HIP1: variants seen among roughly 807,000 people sequenced by gnomAD.
HIP1 encodes huntingtin interacting protein 1, also known as huntingtin-interacting protein 1.
In HIP1, 65 loss-of-function variants were observed where a neutral mutation model predicts 147.6. The observed-to-expected ratio is 0.44, with a 90% CI of 0.36 to 0.54. HIP1 has a LOEUF of 0.54. Ranked by LOEUF, HIP1 falls within the 20% of genes least tolerant of loss-of-function variation. HIP1 has a pLI of 0.00. For synonymous variants in HIP1, 479 were observed against 504.0 expected, an observed-to-expected ratio of 0.95 and a Z score of 0.67; for missense variants, 1,061 against 1,299.6, an observed-to-expected ratio of 0.82 and a Z score of 2.82.
rs1554523980 is a variant in HIP1 at position 75,738,870 on chromosome 7, C to G, written c.51G>C (p.Lys17Asn). 3 of 1,577,500 alleles carry G rather than the reference C, an allele frequency of 1.9e-6. No individual in the cohort carries two copies. Among genetic ancestry groups the G allele is most frequent in the South Asian group, 2.3e-5 (2 of 86,332 alleles). The change falls in exon 1 of 31, where the codon AAG (lysine) becomes AAC (asparagine). Residue 17 changes from lysine (K) to asparagine (N), a missense_variant. Coordinates refer to ENST00000336926, the MANE Select transcript of HIP1 (RefSeq NM_005338.7). ...CGCCGACCCCGCGCCGGCTCAGCAC[C>G]TTGGGCAGTGGGTTGGGCACCTGCT... ...SMKQVPNPLPKVLSRRGVGAG... is the reference protein window; with the variant it reads ...SMKQVPNPLPNVLSRRGVGAG...
At chr7:75,675,881 T>G (rs1373713606) in intron 1 of HIP1, among the ~76,000 whole-genome samples, 2 of 152,092 alleles carry the variant, frequency 1.3e-5, no homozygotes, top group Non-Finnish European at 2.9e-5. Flanking sequence ...CTTGGGAGAC[T>G]AAGGAAGGAG....
intron 5 of HIP1, among the ~76,000 whole-genome samples, chr7:75,585,120 G>T (rs587683302): frequency 1.7e-4 from 26 of 151,706 alleles, no homozygotes; most frequent in African/African-American, 6.0e-4. Flanking sequence ...ATTGTGTGGA[G>T]ATTAGAGGTG....
At chr7:75,579,102 G>A (rs1795947447) in intron 7 of HIP1, among the ~76,000 whole-genome samples, 1 of 152,050 alleles carries the variant, frequency 6.6e-6, no homozygotes, top group Non-Finnish European at 1.5e-5. Context: ...ACAGGCATGA[G>A]CCACTGCGCC....
intron 1 of HIP1, among the ~76,000 whole-genome samples, chr7:75,666,973 G>A (rs1203182645): frequency 6.6e-6 from 1 of 152,000 alleles, no homozygotes; most frequent in South Asian, 2.1e-4. Flanking sequence ...TACGAAAAGG[G>A]TTATAAATAT....
At chr7:75,612,084 G>T (rs1797458819) in intron 1 of HIP1, among the ~76,000 whole-genome samples, 1 of 152,232 alleles carries the variant, frequency 6.6e-6, no homozygotes, top group Admixed American at 6.5e-5. Context: ...GGCCAGGCTG[G>T]CTCACAAAGG....
At chr7:75,668,332 T>C (rs976136381) in intron 1 of HIP1, among the ~76,000 whole-genome samples, 2 of 152,072 alleles carry the variant, frequency 1.3e-5, no homozygotes, top group Admixed American at 6.6e-5. Flanking sequence ...TTTTGTATTG[T>C]TTTGTTTTTG....
rs1795292994 is a variant in HIP1 at position 75,563,241 on chromosome 7, A to G, written c.826T>C (p.Ser276Pro). 3.1e-6 allele frequency: 5 copies of G among 1,614,170 alleles called. No homozygotes were observed. The highest frequency in any genetic ancestry group is 4.2e-6 in the Non-Finnish European group (5 of 1,180,030). The change falls in exon 10 of 31, where the codon TCC (serine) becomes CCC (proline). Residue 276 changes from serine to proline, a missense_variant. This residue lies in a region of HIP1 where 810 missense variants were observed against 946.8 expected (regional missense o/e 0.86). Transcript: ENST00000336926. Reference protein sequence around the residue: ...FTKLKDLFYRSSNLQYFKRLI... With the variant: ...FTKLKDLFYRPSNLQYFKRLI... The stretch of plus-strand genomic sequence containing the variant: ...CGCTTGAAGTACTGCAGGTTGCTGG[A>G]GCGGTAGAACAGATCTTTCAACCTA...
intron 1 of HIP1, among the ~76,000 whole-genome samples, chr7:75,640,586 C>G (rs544972263): frequency 1.3e-5 from 2 of 152,072 alleles, no homozygotes; most frequent in South Asian, 4.2e-4. Context: ...ACTCCCGTCT[C>G]TACTAAAAAT....
intron 5 of HIP1, among the ~76,000 whole-genome samples, chr7:75,583,747 C>A (rs1446825311): frequency 7.7e-6 from 1 of 129,436 alleles, no homozygotes; most frequent in Non-Finnish European, 1.7e-5. Flanking sequence ...CACCACCATG[C>A]GGGCTAATTT....
At position 75,536,034 on chromosome 7, in the gene HIP1, A is replaced by G. The variant is rs587767435; in HGVS notation, c.*2138T>C. ...CGGCCACCCCTTGGTAATTGGGAAC[A>G]TATGAGTTAGAATGGCTGAGATCTA... On this transcript the variant is annotated 3_prime_UTR_variant, in exon 31 of 31. Coordinates refer to ENST00000336926, the MANE Select transcript of HIP1 (RefSeq NM_005338.7). 247 of 182,558 alleles carry G rather than the reference A, an allele frequency of 1.4e-3. No individual in the cohort carries two copies. Among genetic ancestry groups the G allele is most frequent in the Non-Finnish European group, 2.2e-3 (191 of 85,734 alleles). The allele number at this position is 182,558 out of a possible 1,614,324, so 11.3% of individuals were successfully genotyped here.
chr7:75,699,610 C>T (rs542167036), intron 1 of HIP1, among the ~76,000 whole-genome samples: 3 of 152,312 alleles, frequency 2.0e-5, no homozygotes, highest in South Asian at 2.1e-4. Flanking sequence ...AAGAATCCAG[C>T]CCTCGAGACG....
At chr7:75,574,897 C>G (rs587706489) in intron 7 of HIP1, among the ~76,000 whole-genome samples, 1 of 151,856 alleles carries the variant, frequency 6.6e-6, no homozygotes, top group East Asian at 1.9e-4. Context: ...CAGTGGCTCA[C>G]GCCTGTAATC....
chr7:75,665,170 G>A (rs527611414), intron 1 of HIP1, among the ~76,000 whole-genome samples: 36 of 152,206 alleles, frequency 2.4e-4, no homozygotes, highest in African/African-American at 8.7e-4. Context: ...GTTGAGGGAG[G>A]AGGATTGTTT....
intron 1 of HIP1, among the ~76,000 whole-genome samples, chr7:75,635,188 A>G (rs587703656): frequency 1.4e-4 from 21 of 152,240 alleles, no homozygotes; most frequent in Admixed American, 1.3e-3. Flanking sequence ...TCCCTTGGGC[A>G]GATATCTGAT....
chr7:75,696,762 G>C (rs1800654031), intron 1 of HIP1, among the ~76,000 whole-genome samples: 1 of 150,884 alleles, frequency 6.6e-6, no homozygotes, highest in African/African-American at 2.4e-5. Flanking sequence ...ACCACACCTG[G>C]CTAATTTTTG....
intron 1 of HIP1, among the ~76,000 whole-genome samples, chr7:75,632,493 C>A (rs587691681): frequency 2.4e-4 from 36 of 151,994 alleles, no homozygotes; most frequent in African/African-American, 8.4e-4. Flanking sequence ...GCAGCCCTGA[C>A]CTTTTGGGCT....
At chr7:75,542,799 A>C in intron 28 of HIP1, 52 bp downstream of exon 28, 2 of 1,585,706 alleles carry the variant, frequency 1.3e-6, no homozygotes, top group Non-Finnish European at 1.7e-6. Context: ...GGAAGGATGC[A>C]GAGAAGAGCT....
chr7:75,676,086 C>A, intron 1 of HIP1, among the ~76,000 whole-genome samples: 1 of 152,100 alleles, frequency 6.6e-6, no homozygotes, highest in East Asian at 1.9e-4. Context: ...GATTCTGCTC[C>A]CCCCTCTGTA....
At chr7:75,586,205 T>A (rs1047534006) in intron 5 of HIP1, among the ~76,000 whole-genome samples, 1 of 150,718 alleles carries the variant, frequency 6.6e-6, no homozygotes, top group Admixed American at 6.6e-5. Context: ...TTTTTTTTGT[T>A]TTTTTTTTTG....
Sources: allele counts gnomAD v4.1 joint callset (sites outside exome capture counted in the v4.1 genomes callset), GRCh38; gene constraint gnomAD v4.1.1; regional missense constraint gnomAD v4.1.1; transcripts MANE v1.5; gene names NCBI Gene and HGNC (gene_info 2026-07-23, HGNC 2026-07-21).